DHRS3: variants seen among roughly 807,000 people sequenced by gnomAD.
The protein encoded by DHRS3 is short-chain dehydrogenase/reductase 3.
DHRS3 carries 14 observed loss-of-function variants against 27.2 expected under a neutral mutation model. The ratio of observed to expected loss-of-function variants is 0.52; its 90% CI spans 0.34 to 0.81. The LOEUF (loss-of-function observed/expected upper bound fraction) is 0.81. Among genes scored for constraint, DHRS3 ranks in the 30% least tolerant of loss-of-function variants. DHRS3 has a pLI of 0.01. For missense variants in DHRS3, 322 were observed against 406.2 expected (o/e 0.79, Z 1.78); for synonymous variants, 165 against 175.9 (o/e 0.94, Z 0.49).
intron 4 of DHRS3, among the ~76,000 whole-genome samples, chr1:12,577,910 A>G (rs1466953374): frequency 4.6e-5 from 7 of 152,238 alleles, no homozygotes; most frequent in Non-Finnish European, 8.8e-5. Context: ...AGTTTGATTA[A>G]CTTTCACGTA....
chr1:12,604,843 G>A (rs1646859335), intron 1 of DHRS3, among the ~76,000 whole-genome samples: 1 of 152,204 alleles, frequency 6.6e-6, no homozygotes, highest in Non-Finnish European at 1.5e-5. Flanking sequence ...AAGGTCAAGA[G>A]ATCGAGACCA....
rs1041293729 is a variant in DHRS3, at chr1:12,591,053, G to A, written c.196-10387C>T. ...CCACTCAAGGCTGTTTCTAGGGGAG[G>A]AGACAGACATAGAGCTTCGGGTTTT... On this transcript the variant is annotated intron_variant, in intron 1 of 5. Coordinates refer to ENST00000616661, the MANE Select transcript of DHRS3 (RefSeq NM_004753.7). This position sits in a 1 kb window ranked among gnomAD's most constrained non-coding sequence, Gnocchi z 4.1. Among the ~76,000 whole-genome samples the A allele has an allele frequency of 1.3e-5, 2 of 152,198 alleles. No homozygotes were observed. The highest frequency in any genetic ancestry group is 2.9e-5 in the Non-Finnish European group (2 of 68,042).
chr1:12,581,821 C>G (rs1179939594), intron 1 of DHRS3, among the ~76,000 whole-genome samples: 1 of 152,154 alleles, frequency 6.6e-6, no homozygotes, highest in Non-Finnish European at 1.5e-5. Flanking sequence ...GGGCTGAACA[C>G]CGCCCAGAGG....
At chr1:12,584,643 C>T (rs1045685966) in intron 1 of DHRS3, among the ~76,000 whole-genome samples, 2 of 152,194 alleles carry the variant, frequency 1.3e-5, no homozygotes, top group African/African-American at 4.8e-5. Flanking sequence ...AGAGACCACC[C>T]ATCCCCTTGG....
intron 1 of DHRS3, among the ~76,000 whole-genome samples, chr1:12,587,305 G>T (rs1646705143): frequency 6.6e-6 from 1 of 151,532 alleles, no homozygotes; most frequent in South Asian, 2.1e-4. Flanking sequence ...ACTACTCCTG[G>T]CTAATTTTTA....
rs1049358989 is a variant in DHRS3, at chr1:12,594,347, C to G, written c.196-13681G>C. The stretch of plus-strand genomic sequence containing the variant: ...GCACTTTGGAGGCCCTGGGATCCAG[C>G]GGGGAATACATTTATCTCACTTGCG... On this transcript the variant is annotated intron_variant, in intron 1 of 5. Coordinates refer to ENST00000616661, the MANE Select transcript of DHRS3 (RefSeq NM_004753.7). This position sits in a 1 kb window ranked among gnomAD's most constrained non-coding sequence, Gnocchi z 4.1. 6.6e-6 allele frequency among the ~76,000 whole-genome samples: 1 copy of G among 152,152 alleles called. No homozygotes were observed. The highest frequency in any genetic ancestry group is 2.1e-4 in the South Asian group (1 of 4,832).
chr1:12,616,501 G>C (rs890828124), intron 1 of DHRS3: 2 of 931,960 alleles, frequency 2.1e-6, no homozygotes, highest in East Asian at 1.2e-4. Flanking sequence ...GGGGTGTACT[G>C]GGGGGGAGGG....
intron 4 of DHRS3, among the ~76,000 whole-genome samples, chr1:12,576,287 G>A (rs958567142): frequency 7.2e-5 from 11 of 152,240 alleles, no homozygotes; most frequent in Admixed American, 3.3e-4. Context: ...TGCCGGCTGG[G>A]CGTGGTGGCT....
rs908533809 is a variant in DHRS3 at position 12,591,661 on chromosome 1, A to G, written c.196-10995T>C. Among the ~76,000 whole-genome samples the G allele has an allele frequency of 1.3e-5, 2 of 152,268 alleles. No homozygotes were observed. Among genetic ancestry groups the G allele is most frequent in the East Asian group, 3.8e-4 (2 of 5,198 alleles). On this transcript the variant is annotated intron_variant, in intron 1 of 5. Coordinates refer to ENST00000616661, the MANE Select transcript of DHRS3 (RefSeq NM_004753.7). This position sits in a 1 kb window ranked among gnomAD's most constrained non-coding sequence, Gnocchi z 4.1. ...GGGGCGTCTAGTCCTCTGTCAGCTC[A>G]GAAGGGCTCATACCCGAGAAAACTG...
At chr1:12,585,779 C>T (rs1328987321) in intron 1 of DHRS3, among the ~76,000 whole-genome samples, 6 of 152,200 alleles carry the variant, frequency 3.9e-5, no homozygotes, top group African/African-American at 1.4e-4. Context: ...AAGGGTCCCA[C>T]CCAAGGCCAT....
intron 4 of DHRS3, among the ~76,000 whole-genome samples, chr1:12,577,960 A>G (rs1646605155): frequency 6.6e-6 from 1 of 152,176 alleles, no homozygotes; most frequent in African/African-American, 2.4e-5. Flanking sequence ...AACATTTCTG[A>G]AGGTCTTGCT....
chr1:12,576,392 C>T (rs1646588363), intron 4 of DHRS3, among the ~76,000 whole-genome samples: 1 of 152,046 alleles, frequency 6.6e-6, no homozygotes, highest in African/African-American at 2.4e-5. Flanking sequence ...GAAACCCTGT[C>T]TCTACCAAAA....
At chr1:12,603,514 C>T (rs566070043) in intron 1 of DHRS3, among the ~76,000 whole-genome samples, 8 of 152,270 alleles carry the variant, frequency 5.3e-5, no homozygotes, top group African/African-American at 1.4e-4. Flanking sequence ...CCATCTCCCA[C>T]GTGGCCCTAC....
rs1408513461 is a variant in DHRS3 at position 12,617,444 on chromosome 1, AAGG to A, written c.-99_-97del. 5.9e-6 allele frequency: 8 copies of A among 1,358,656 alleles called. No homozygotes were observed. The highest frequency in any genetic ancestry group is 5.2e-5 in the East Asian group (2 of 38,292). 84.2% of individuals were successfully genotyped at this position (1,358,656 alleles called of 1,614,324 possible). ...CCGAACAATAAATAGTAAACCGAAT[AAGG>A]AGGAGAGAGGCGTCCCACCTGGCCA... On this transcript the variant is annotated 5_prime_UTR_variant, in exon 1 of 6. Coordinates refer to ENST00000616661, the MANE Select transcript of DHRS3 (RefSeq NM_004753.7).
chr1:12,568,737 G>A (rs1009503674), intron 5 of DHRS3, among the ~76,000 whole-genome samples: 3 of 152,090 alleles, frequency 2.0e-5, no homozygotes, highest in Non-Finnish European at 4.4e-5. Context: ...ACCAGCCTGG[G>A]CAATATGGTG....
Position 12,617,294 on chromosome 1 carries a change from G to C in DHRS3, c.55C>G (p.Leu19Val), listed in dbSNP as rs1434400901. ...LVMFPLQMIY[L>V]VVKAAVGLVL... ...AGTCCGACGGCTGCTTTCACCACCA[G>C]ATAGATCATCTGTAGAGGGAACATC... Residue 19 changes from leucine to valine, a missense_variant, in exon 1 of 6, where the codon CTG becomes GTG. Coordinates refer to ENST00000616661, the MANE Select transcript of DHRS3 (RefSeq NM_004753.7). The C allele has an allele frequency of 1.9e-6, 3 of 1,613,654 alleles. No homozygotes were observed. The highest frequency in any genetic ancestry group is 2.5e-6 in the Non-Finnish European group (3 of 1,179,944).
In DHRS3 at chr1:12,586,854, G is replaced by C. The variant is rs1479475423; in HGVS notation, c.196-6188C>G. 6.6e-6 allele frequency among the ~76,000 whole-genome samples: 1 copy of C among 152,120 alleles called. No homozygotes were observed. Among genetic ancestry groups the C allele is most frequent in the Middle Eastern group, 3.2e-3 (1 of 316 alleles). ...AGAAAGCACATCTCCTCTCTTCAAG[G>C]GGTCCTGTGGGGATTAAGCTGGCAG... On this transcript the variant is annotated intron_variant, in intron 1 of 5. Transcript: ENST00000616661. This position sits in a 1 kb window ranked among gnomAD's most constrained non-coding sequence, Gnocchi z 5.0.
chr1:12,611,075 C>T (rs1054094689), intron 1 of DHRS3, among the ~76,000 whole-genome samples: 8 of 152,120 alleles, frequency 5.3e-5, no homozygotes, highest in East Asian at 3.8e-4. Context: ...TCAAGGCAGA[C>T]GGCCTCGGCA....
chr1:12,602,170 AAATGACT>A (rs57195366), intron 1 of DHRS3, among the ~76,000 whole-genome samples: 70,173 of 151,414 alleles, frequency 0.46, 16,726 homozygotes, highest in South Asian at 0.55. Context: ...GCAGAGATCA[AAATGACT>A]AATGCCTTGT....
Sources: allele counts gnomAD v4.1 joint callset (sites outside exome capture counted in the v4.1 genomes callset), GRCh38; gene constraint gnomAD v4.1.1; non-coding constraint Gnocchi (gnomAD v3.1); transcripts MANE v1.5; gene names NCBI Gene and HGNC (gene_info 2026-07-23, HGNC 2026-07-21).